The following LRRC4C variants were observed in gnomAD, a reference collection of about 807,000 sequenced individuals.
LRRC4C encodes leucine rich repeat containing 4C, also known as leucine-rich repeat-containing protein 4C.
In LRRC4C, 5 loss-of-function variants were observed where a neutral mutation model predicts 33.6. The observed-to-expected ratio is 0.15, with a 90% confidence interval of 0.08 to 0.31. The LOEUF (loss-of-function observed/expected upper bound fraction) is 0.31. Ranked by LOEUF, LRRC4C falls within the 10% of genes least tolerant of loss-of-function variation. The probability of loss-of-function intolerance (pLI) is 1.00; values close to 1 mark genes in which losing one functional copy is unlikely to be tolerated. For missense variants in LRRC4C, 560 were observed against 796.7 expected (o/e 0.70, Z 3.58); for synonymous variants, 329 against 302.0 (o/e 1.09, Z -0.93).
intron 2 of LRRC4C, among the ~76,000 whole-genome samples, chr11:40,787,993 C>T (rs1401410852): frequency 5.3e-5 from 8 of 152,062 alleles, no homozygotes; most frequent in Admixed American, 1.3e-4. Context: ...TACAAAACAC[C>T]GCACTGTTAC....
chr11:41,053,172 G>A (rs2138154836), intron 1 of LRRC4C, among the ~76,000 whole-genome samples: 2 of 152,232 alleles, frequency 1.3e-5, no homozygotes, highest in South Asian at 4.1e-4. Context: ...CTTTGGCAGG[G>A]CACAGGATTT....
intron 1 of LRRC4C, among the ~76,000 whole-genome samples, chr11:41,145,369 T>C (rs1943683709): frequency 6.6e-6 from 1 of 152,228 alleles, no homozygotes; most frequent in Non-Finnish European, 1.5e-5. Flanking sequence ...ATTGAGTTTA[T>C]TCTTTTCTTG....
rs983969515 is a variant in LRRC4C, at chr11:40,670,771, T to C, written c.-406-22493A>G. On this transcript the variant is annotated intron_variant, in intron 2 of 6. Coordinates refer to ENST00000528697, the MANE Select transcript of LRRC4C (RefSeq NM_001258419.2). ...CTTTTTGTTTGTTTGTTTGTTTTTGTTTTTGTTTTTGAGACGGAGCATCGC... is the reference window on the plus strand; with the variant it reads ...CTTTTTGTTTGTTTGTTTGTTTTTGCTTTTGTTTTTGAGACGGAGCATCGC... Among the ~76,000 whole-genome samples the C allele has an allele frequency of 8.5e-5, 13 of 152,280 alleles. 1 individual carries two copies. Among genetic ancestry groups the C allele is most frequent in the African/African-American group, 2.6e-4 (11 of 41,548 alleles).
intron 2 of LRRC4C, among the ~76,000 whole-genome samples, chr11:40,865,418 C>T (rs1376451502): frequency 2.0e-5 from 3 of 151,428 alleles, no homozygotes; most frequent in African/African-American, 4.9e-5. Flanking sequence ...TTGGAAAATG[C>T]TAAACAAAAT....
At chr11:41,162,069 G>A (rs11036261) in intron 1 of LRRC4C, among the ~76,000 whole-genome samples, 6,286 of 152,156 alleles carry the variant, frequency 0.041, 156 homozygotes, top group East Asian at 0.07. Flanking sequence ...ACCTCATGAG[G>A]TAAGAGATTT....
intron 4 of LRRC4C, among the ~76,000 whole-genome samples, chr11:40,259,377 T>C (rs1482007701): frequency 3.3e-5 from 5 of 152,036 alleles, no homozygotes; most frequent in Non-Finnish European, 5.9e-5. Flanking sequence ...TTCACTCTGA[T>C]GGTAGTTTCT....
intron 3 of LRRC4C, among the ~76,000 whole-genome samples, chr11:40,558,100 G>T (rs1412765346): frequency 6.6e-6 from 1 of 152,086 alleles, no homozygotes; most frequent in Non-Finnish European, 1.5e-5. Flanking sequence ...TAACGTAATT[G>T]TTTAGCACTG....
At chr11:40,560,379 C>A (rs1371618319) in intron 3 of LRRC4C, among the ~76,000 whole-genome samples, 2 of 151,838 alleles carry the variant, frequency 1.3e-5, no homozygotes, top group African/African-American at 4.8e-5. Flanking sequence ...CCTAGAACAC[C>A]ATGCCAACAA....
chr11:40,566,508 A>G (rs1957774567), intron 3 of LRRC4C, among the ~76,000 whole-genome samples: 1 of 152,126 alleles, frequency 6.6e-6, no homozygotes, highest in African/African-American at 2.4e-5. Context: ...TAGAAGTTAG[A>G]TGGATCCAGA....
At chr11:41,090,380 C>G (rs1055181482) in intron 1 of LRRC4C, among the ~76,000 whole-genome samples, 4 of 151,818 alleles carry the variant, frequency 2.6e-5, no homozygotes, top group African/African-American at 4.8e-5. Context: ...TTGGTTTTAT[C>G]TCTGTTTTCT....
At chr11:40,745,632 T>C (rs1948380603) in intron 2 of LRRC4C, among the ~76,000 whole-genome samples, 1 of 152,200 alleles carries the variant, frequency 6.6e-6, no homozygotes, top group Non-Finnish European at 1.5e-5. Flanking sequence ...TATTTTTTGC[T>C]AAATTTTTTT....
rs143972047 is a variant in LRRC4C, at chr11:40,230,225, C to T, written c.-96+11294G>A. Among the ~76,000 whole-genome samples, 464 of 152,276 alleles carry T rather than the reference C, an allele frequency of 3.0e-3. 6 individuals carry two copies. The highest frequency in any genetic ancestry group is 0.011 in the African/African-American group (445 of 41,548). ...TCAATAGAATTTAAATTTATTATTT[C>T]GTGTTAAAGAGAAGAAACATTTTCT... On this transcript the variant is annotated intron_variant, in intron 5 of 6. Transcript: ENST00000528697.
At chr11:40,775,239 T>C (rs917704965) in intron 2 of LRRC4C, among the ~76,000 whole-genome samples, 5 of 151,926 alleles carry the variant, frequency 3.3e-5, no homozygotes, top group Non-Finnish European at 7.4e-5. Flanking sequence ...TGAAACCCCA[T>C]CTTTACTAAA....
intron 1 of LRRC4C, among the ~76,000 whole-genome samples, chr11:41,220,840 G>A (rs1405965062): frequency 3.3e-5 from 5 of 152,048 alleles, no homozygotes; most frequent in African/African-American, 1.2e-4. Context: ...CAACTACTTT[G>A]TTCTAGGCCA....
chr11:40,710,937 C>G (rs1489775349), intron 2 of LRRC4C, among the ~76,000 whole-genome samples: 1 of 152,166 alleles, frequency 6.6e-6, no homozygotes, highest in East Asian at 1.9e-4. Flanking sequence ...AGGCTTGCTG[C>G]CTCGCAATAT....
At chr11:41,256,859 G>A (rs1395350042) in intron 1 of LRRC4C, among the ~76,000 whole-genome samples, 1 of 152,016 alleles carries the variant, frequency 6.6e-6, no homozygotes, top group African/African-American at 2.4e-5. Flanking sequence ...TAATGGTCAT[G>A]TGGCTACTTA....
chr11:40,475,482 G>A lies in LRRC4C; in HGVS notation c.-269-155761C>T, dbSNP rs533534197. Among the ~76,000 whole-genome samples the A allele has an allele frequency of 1.6e-3, 246 of 152,172 alleles. 1 individual carries two copies. Among genetic ancestry groups the A allele is most frequent in the Admixed American group, 2.6e-3 (40 of 15,278 alleles). The stretch of plus-strand genomic sequence containing the variant: ...GGGGGCTAGGGGAGGGATAGCATTA[G>A]GAGAAATACCTGATGTAGATGCTGG... On this transcript the variant is annotated intron_variant, in intron 3 of 6. Coordinates refer to ENST00000528697, the MANE Select transcript of LRRC4C (RefSeq NM_001258419.2).
intron 3 of LRRC4C, among the ~76,000 whole-genome samples, chr11:40,402,890 T>C (rs1949813839): frequency 6.6e-6 from 1 of 152,128 alleles, no homozygotes; most frequent in African/African-American, 2.4e-5. Flanking sequence ...GTGGGAGATC[T>C]TTCATAAGAC....
At chr11:41,099,378 TAAAAAAAAAAAG>T (rs1482810600) in intron 1 of LRRC4C, among the ~76,000 whole-genome samples, 1 of 112,756 alleles carries the variant, frequency 8.9e-6, no homozygotes, top group East Asian at 2.5e-4. Context: ...GGCAGAGACA[TAAAAAAAAAAAG>T]AAAAAAAAAA....
Sources: allele counts gnomAD v4.1 joint callset (sites outside exome capture counted in the v4.1 genomes callset), GRCh38; gene constraint gnomAD v4.1.1; transcripts MANE v1.5; gene names NCBI Gene and HGNC (gene_info 2026-07-23, HGNC 2026-07-21).